The following EXT1 variants were observed in gnomAD, a reference collection of about 807,000 sequenced individuals.
EXT1 encodes the protein exostosin glycosyltransferase 1.
Under a neutral mutation model 82.5 loss-of-function variants are expected in EXT1, and 20 were observed. The observed-to-expected ratio is 0.24, with a 90% CI of 0.17 to 0.35. The LOEUF is 0.35. Ranked by LOEUF, EXT1 falls within the 10% of genes least tolerant of loss-of-function variation. EXT1 has a pLI of 1.00. For missense variants in EXT1, 757 were observed against 936.5 expected (o/e 0.81, Z 2.50); for synonymous variants, 348 against 350.8 (o/e 0.99, Z 0.09).
intron 1 of EXT1, among the ~76,000 whole-genome samples, chr8:118,030,763 T>A (rs1729101035): frequency 6.6e-6 from 1 of 152,210 alleles, no homozygotes; most frequent in African/African-American, 2.4e-5. Flanking sequence ...ATTACAGGCA[T>A]GAACCACCGT....
chr8:117,845,245 G>C (rs537260798), intron 1 of EXT1, among the ~76,000 whole-genome samples: 1 of 152,286 alleles, frequency 6.6e-6, no homozygotes, highest in East Asian at 1.9e-4. Context: ...CAACCACTGG[G>C]GACGTGGGGA....
At chr8:117,826,235 C>T (rs1812006470) in intron 4 of EXT1, among the ~76,000 whole-genome samples, 1 of 152,172 alleles carries the variant, frequency 6.6e-6, no homozygotes, top group Non-Finnish European at 1.5e-5. Context: ...CTGACCCTGG[C>T]ATTGAAGAGA....
chr8:118,040,560 G>A (rs1159888652), intron 1 of EXT1, among the ~76,000 whole-genome samples: 1 of 152,278 alleles, frequency 6.6e-6, no homozygotes, highest in Admixed American at 6.5e-5. Flanking sequence ...CAACAAGGCA[G>A]ACAACAGTGG....
chr8:118,044,765 G>A (rs935674143), intron 1 of EXT1, among the ~76,000 whole-genome samples: 3 of 152,122 alleles, frequency 2.0e-5, no homozygotes, highest in Admixed American at 1.3e-4. Flanking sequence ...TCGAAAACTC[G>A]TGGGCTCAAG....
chr8:117,918,596 G>A (rs1813797363), intron 1 of EXT1, among the ~76,000 whole-genome samples: 1 of 152,202 alleles, frequency 6.6e-6, no homozygotes, highest in Non-Finnish European at 1.5e-5. Context: ...GCCCATAAGT[G>A]GCCTGAAACT....
intron 1 of EXT1, among the ~76,000 whole-genome samples, chr8:118,100,267 G>C (rs531903940): frequency 9.9e-5 from 15 of 152,258 alleles, no homozygotes; most frequent in African/African-American, 2.9e-4. Context: ...ACTTACGAGA[G>C]CAGTTTCAGT....
chr8:118,105,777 G>C lies in EXT1; in HGVS notation c.962+4308C>G, dbSNP rs1332563081. On this transcript the variant is annotated intron_variant, in intron 1 of 10. Coordinates refer to ENST00000378204, the MANE Select transcript of EXT1 (RefSeq NM_000127.3). ...AATCTCAATTCCCACCTTTCATTTT[G>C]GAGAAGGAAAACATTCATCTAAGGT... Among the ~76,000 whole-genome samples, 5 of 152,044 alleles carry C rather than the reference G, an allele frequency of 3.3e-5. 1 individual carries two copies. The highest frequency in any genetic ancestry group is 1.2e-4 in the African/African-American group (5 of 41,386).
chr8:117,991,052 C>T (rs999984054), intron 1 of EXT1, among the ~76,000 whole-genome samples: 4 of 152,020 alleles, frequency 2.6e-5, no homozygotes, highest in Non-Finnish European at 5.9e-5. Flanking sequence ...AACAGCCTTC[C>T]CAAGGTCCAT....
intron 1 of EXT1, among the ~76,000 whole-genome samples, chr8:118,109,398 G>T (rs1202672868): frequency 6.7e-6 from 1 of 148,464 alleles, no homozygotes; most frequent in African/African-American, 2.5e-5. Context: ...AAAGAGACAG[G>T]ACATGTACAG....
intron 1 of EXT1, among the ~76,000 whole-genome samples, chr8:118,039,433 G>A (rs988571760): frequency 2.6e-5 from 4 of 151,798 alleles, no homozygotes; most frequent in South Asian, 2.1e-4. Flanking sequence ...AAGGGTGCAC[G>A]CCTGTAATCC....
Position 117,809,015 on chromosome 8 carries a change from T to C in EXT1, c.1723-1638A>G, listed in dbSNP as rs537907375. Among the ~76,000 whole-genome samples the C allele has an allele frequency of 1.1e-3, 161 of 151,968 alleles. 2 individuals are homozygous for C. Among genetic ancestry groups the C allele is most frequent in the African/African-American group, 3.7e-3 (153 of 41,452 alleles). ...ACTGGGATTTACATCATTGGCTCCC[T>C]GGTTCTCAGGCTGTAGGACTCTGTC... is the stretch of plus-strand genomic sequence containing the variant. On this transcript the variant is annotated intron_variant, in intron 8 of 10. Transcript: ENST00000378204.
chr8:118,001,422 T>G lies in EXT1; in HGVS notation c.962+108663A>C, dbSNP rs540670302. 3.3e-5 allele frequency among the ~76,000 whole-genome samples: 5 copies of G among 152,202 alleles called. No individual in the cohort carries two copies. The East Asian group carries it at 9.7e-4, about 29-fold the overall frequency. ...CTGGTCTTGGACTCCTGACCTCAAG[T>G]GATCTGCCTGCCTCAGCTTCCCAAA... On this transcript the variant is annotated intron_variant, in intron 1 of 10. Transcript: ENST00000378204.
intron 1 of EXT1, among the ~76,000 whole-genome samples, chr8:117,931,497 G>A (rs1814061502): frequency 6.6e-6 from 1 of 151,334 alleles, no homozygotes; most frequent in African/African-American, 2.4e-5. Flanking sequence ...AGGGAAGGAG[G>A]AAGAGAAGGA....
intron 1 of EXT1, among the ~76,000 whole-genome samples, chr8:118,025,889 G>A (rs1224037417): frequency 6.6e-6 from 1 of 152,134 alleles, no homozygotes; most frequent in Non-Finnish European, 1.5e-5. Context: ...AATTGGATGG[G>A]CTTCAAAAGT....
At chr8:117,888,499 C>CTATA (rs147810070) in intron 1 of EXT1, among the ~76,000 whole-genome samples, 5 of 149,606 alleles carry the variant, frequency 3.3e-5, no homozygotes, top group Admixed American at 2.7e-4. Context: ...AGTCACACCA[C>CTATA]TATATATATA....
intron 1 of EXT1, among the ~76,000 whole-genome samples, chr8:118,042,814 A>G (rs1816557069): frequency 1.3e-5 from 2 of 152,156 alleles, no homozygotes; most frequent in African/African-American, 4.8e-5. Flanking sequence ...GCCCACCTAT[A>G]CATTCAACAC....
chr8:117,920,166 G>A (rs994335219), intron 1 of EXT1, among the ~76,000 whole-genome samples: 3 of 152,060 alleles, frequency 2.0e-5, no homozygotes, highest in Non-Finnish European at 4.4e-5. Flanking sequence ...ATGCAGTGAC[G>A]CGATCTCGGC....
Position 117,941,416 on chromosome 8 carries a change from C to CCATA in EXT1, c.963-104219_963-104216dup, listed in dbSNP as rs1814270983. Among the ~76,000 whole-genome samples the CCATA allele has an allele frequency of 2.0e-5, 3 of 152,216 alleles. No homozygotes were observed. In the South Asian group the frequency reaches 6.2e-4, roughly 32 times the overall value. On this transcript the variant is annotated intron_variant, in intron 1 of 10. Transcript: ENST00000378204. ...ATATGGAGGGGGGAATAGGCTAGGC[C>CCATA]CATAGTTCAGAAAGCTGGTGGTCTG... is the stretch of plus-strand genomic sequence containing the variant.
intron 1 of EXT1, among the ~76,000 whole-genome samples, chr8:118,030,487 T>C (rs921846814): frequency 6.6e-5 from 10 of 151,926 alleles, no homozygotes; most frequent in Non-Finnish European, 1.3e-4. Flanking sequence ...GTTTTTTTTG[T>C]TTGTTTGTTT....
Sources: gnomAD v4.1 joint callset for allele counts (sites outside exome capture counted in the v4.1 genomes callset) on GRCh38, gnomAD v4.1.1 for gene constraint, MANE v1.5 for transcripts, NCBI Gene and HGNC (gene_info 2026-07-23, HGNC 2026-07-21) for gene names.